GRM1: variants seen among roughly 807,000 people sequenced by gnomAD.
The protein encoded by GRM1 is glutamate metabotropic receptor 1.
In GRM1, 33 loss-of-function variants were observed where a neutral mutation model predicts 90.9. That is an observed-to-expected ratio of 0.36 (90% CI 0.28 to 0.49). GRM1 has a LOEUF of 0.49. Among genes scored for constraint, GRM1 ranks in the 20% least tolerant of loss-of-function variants. The pLI, the probability that GRM1 is intolerant of heterozygous loss-of-function variation, is 0.99. For missense variants in GRM1, 1,190 were observed against 1,534.3 expected (o/e 0.78, Z 3.75); for synonymous variants, 700 against 613.2 (o/e 1.14, Z -2.09).
chr6:146,299,130 C>T (rs1583292456), intron 2 of GRM1, among the ~76,000 whole-genome samples: 2 of 152,288 alleles, frequency 1.3e-5, no homozygotes, highest in East Asian at 3.9e-4. Context: ...AGTGTTTTCT[C>T]TTCAAAGTTG....
In GRM1 at chr6:146,434,850, C is replaced by A; in HGVS notation, c.*54C>A. 1 of 1,430,606 alleles carries A rather than the reference C, an allele frequency of 7.0e-7. No homozygotes were observed. The highest frequency in any genetic ancestry group is 9.7e-7 in the Non-Finnish European group (1 of 1,027,252). The allele number at this position is 1,430,606 out of a possible 1,614,324, so 88.6% of individuals were successfully genotyped here. On this transcript the variant is annotated 3_prime_UTR_variant, in exon 8 of 8. Transcript: ENST00000282753. ...ACAAGCCAGAGATCTCCCACACCTC[C>A]AGAGATGTGCAAACAGCTGGGAGGA...
chr6:146,224,212 C>T (rs1046460163), intron 2 of GRM1, among the ~76,000 whole-genome samples: 3 of 152,074 alleles, frequency 2.0e-5, no homozygotes, highest in Non-Finnish European at 4.4e-5. Context: ...TTAAGAAGTT[C>T]AGAAAATATC....
chr6:146,376,331 T>A lies in GRM1; in HGVS notation c.1603-10559T>A, dbSNP rs538395212. 3.9e-5 allele frequency among the ~76,000 whole-genome samples: 6 copies of A among 152,304 alleles called. No homozygotes were observed. The South Asian group carries it at 1.2e-3, about 32-fold the overall frequency. The stretch of plus-strand genomic sequence containing the variant: ...TTTACATACCACAGTTATAGTGTTA[T>A]AATATTCTTTTTATTCCATGTACTA... On this transcript the variant is annotated intron_variant, in intron 5 of 7. Coordinates refer to ENST00000282753, the MANE Select transcript of GRM1 (RefSeq NM_001278064.2).
chr6:146,315,497 T>C (rs1361682749), intron 3 of GRM1, among the ~76,000 whole-genome samples: 1 of 152,228 alleles, frequency 6.6e-6, no homozygotes, highest in Non-Finnish European at 1.5e-5. Flanking sequence ...TCCATTTGGC[T>C]AAATTAATAG....
chr6:146,394,898 A>AT (rs1776872716), intron 6 of GRM1, among the ~76,000 whole-genome samples: 1 of 152,022 alleles, frequency 6.6e-6, no homozygotes, highest in Non-Finnish European at 1.5e-5. Context: ...TGTCCCATAC[A>AT]TTTTTTTCCA....
intron 2 of GRM1, among the ~76,000 whole-genome samples, chr6:146,278,309 A>G (rs937032005): frequency 4.6e-5 from 7 of 152,186 alleles, no homozygotes; most frequent in African/African-American, 1.7e-4. Context: ...TAGAAAGTTA[A>G]AGAGATTACT....
rs528810889 is a variant in GRM1, at chr6:146,270,863, TTC to T, written c.951-33746_951-33745del. On this transcript the variant is annotated intron_variant, in intron 2 of 7. Coordinates refer to ENST00000282753, the MANE Select transcript of GRM1 (RefSeq NM_001278064.2). Reference sequence around the variant, plus strand: ...CCTTTCTTTCTTTTTCTTTCTTTCTTTCTTTCTTTCTTTCTTTCTTTCTTTCT... The same window carrying T: ...CCTTTCTTTCTTTTTCTTTCTTTCTTTTTCTTTCTTTCTTTCTTTCTTTCT... 4.2e-3 allele frequency among the ~76,000 whole-genome samples: 267 copies of T among 63,082 alleles called. 1 individual carries two copies. Among genetic ancestry groups the T allele is most frequent in the Non-Finnish European group, 6.5e-3 (219 of 33,502 alleles). 41.4% of individuals were successfully genotyped at this position (63,082 alleles called of 152,430 possible). A position where few individuals can be genotyped will look rare whatever the true frequency, so the allele number is the denominator to read the frequency against.
chr6:146,302,255 C>G (rs1185599496), intron 2 of GRM1, among the ~76,000 whole-genome samples: 1 of 150,856 alleles, frequency 6.6e-6, no homozygotes, highest in Non-Finnish European at 1.5e-5. Flanking sequence ...CTCTAATTAC[C>G]TCTGTCCCCC....
intron 2 of GRM1, among the ~76,000 whole-genome samples, chr6:146,180,387 T>G (rs1245330882): frequency 6.6e-6 from 1 of 152,170 alleles, no homozygotes; most frequent in East Asian, 1.9e-4. Context: ...TTATTTCTAT[T>G]GTTTATGCAA....
At chr6:146,290,740 A>G (rs1304363682) in intron 2 of GRM1, among the ~76,000 whole-genome samples, 1 of 152,130 alleles carries the variant, frequency 6.6e-6, no homozygotes, top group East Asian at 1.9e-4. Context: ...ACAGGCATAG[A>G]TGGAGAGGAG....
chr6:146,127,804 T>C (rs1365089918), intron 1 of GRM1, among the ~76,000 whole-genome samples: 1 of 152,216 alleles, frequency 6.6e-6, no homozygotes, highest in Non-Finnish European at 1.5e-5. Context: ...TATTGATATG[T>C]AACAAATCAC....
At chr6:146,342,330 C>CTCTT (rs1452585855) in intron 3 of GRM1, among the ~76,000 whole-genome samples, 2 of 152,160 alleles carry the variant, frequency 1.3e-5, no homozygotes, top group Non-Finnish European at 2.9e-5. Flanking sequence ...TGTGGAAGGT[C>CTCTT]TCTTTATAGA....
At chr6:146,163,435 A>C (rs781114842) in intron 2 of GRM1, among the ~76,000 whole-genome samples, 2 of 152,330 alleles carry the variant, frequency 1.3e-5, no homozygotes, top group African/African-American at 4.8e-5. Context: ...AGAACTTTGC[A>C]CATAACTCAT....
intron 2 of GRM1, among the ~76,000 whole-genome samples, chr6:146,286,188 T>C (rs1165393367): frequency 6.6e-6 from 1 of 152,164 alleles, no homozygotes; most frequent in Non-Finnish European, 1.5e-5. Flanking sequence ...TTATAAATCC[T>C]AGTTATTTAT....
intron 1 of GRM1, among the ~76,000 whole-genome samples, chr6:146,123,569 G>A (rs1265605250): frequency 6.6e-6 from 1 of 152,176 alleles, no homozygotes; most frequent in East Asian, 1.9e-4. Flanking sequence ...TAGGCTAGAA[G>A]CTCATGATAC....
chr6:146,390,966 A>T (rs1294202196), intron 6 of GRM1, among the ~76,000 whole-genome samples: 1 of 152,118 alleles, frequency 6.6e-6, no homozygotes, highest in Non-Finnish European at 1.5e-5. Flanking sequence ...CACCTGGTAG[A>T]ATTTCATTGA....
At chr6:146,220,768 G>C (rs2056996) in intron 2 of GRM1, among the ~76,000 whole-genome samples, 1 of 151,970 alleles carries the variant, frequency 6.6e-6, no homozygotes, top group Non-Finnish European at 1.5e-5. Flanking sequence ...CAAGGAGTGA[G>C]AGCGCACATC....
rs143790799 is a variant in GRM1 at position 146,029,652 on chromosome 6, C to A, written c.135C>A (p.Val45=). 6.2e-7 allele frequency: 1 copy of A among 1,613,978 alleles called. No homozygotes were observed. Among genetic ancestry groups the A allele is most frequent in the African/African-American group, 1.3e-5 (1 of 74,902 alleles). The change falls in exon 1 of 8, where the codon GTC becomes GTA. Residue 45 remains valine, a synonymous_variant. Transcript: ENST00000282753. ...CGGTGGCCAGAATGGACGGAGATGTCATCATTGGAGCCCTCTTCTCAGTCC... is the reference window on the plus strand; with the variant it reads ...CGGTGGCCAGAATGGACGGAGATGTAATCATTGGAGCCCTCTTCTCAGTCC... ...QRSVARMDGD[V]IIGALFSVHH...
chr6:146,291,267 T>G (rs1397309345), intron 2 of GRM1, among the ~76,000 whole-genome samples: 4 of 151,916 alleles, frequency 2.6e-5, no homozygotes, highest in Non-Finnish European at 4.4e-5. Context: ...TTTGGTTCTT[T>G]GAAATCCAAT....
Sources: gnomAD v4.1 joint callset for allele counts (sites outside exome capture counted in the v4.1 genomes callset) on GRCh38, gnomAD v4.1.1 for gene constraint, MANE v1.5 for transcripts, NCBI Gene and HGNC (gene_info 2026-07-23, HGNC 2026-07-21) for gene names.